Variants in IGSF21 observed in about 807,000 individuals in gnomAD.
IGSF21 encodes immunoglobin superfamily member 21.
Under a neutral mutation model 46.8 loss-of-function variants are expected in IGSF21, and 28 were observed. The ratio of observed to expected loss-of-function variants is 0.60; its 90% CI spans 0.44 to 0.82. The LOEUF is 0.82. Ranked by LOEUF, IGSF21 falls within the 40% of genes least tolerant of loss-of-function variation. The pLI is 0.00. For missense variants in IGSF21, 624 were observed against 665.5 expected (o/e 0.94, Z 0.69); for synonymous variants, 284 against 273.6 (o/e 1.04, Z -0.38).
rs115413268 is a variant in IGSF21, at chr1:18,283,190, G to A, written c.184-8676G>A. ...TCTGAGCTGCTGTCTGCCATCGCAC[G>A]GTAACCGGATGAGACAGGCAATTTA... is the stretch of plus-strand genomic sequence containing the variant. On this transcript the variant is annotated intron_variant, in intron 2 of 9. Transcript: ENST00000251296. Among the ~76,000 whole-genome samples the A allele has an allele frequency of 4.2e-3, 637 of 152,220 alleles. 8 individuals carry two copies. Among genetic ancestry groups the A allele is most frequent in the African/African-American group, 0.014 (577 of 41,510 alleles).
At chr1:18,246,561 G>T (rs2084786154) in intron 2 of IGSF21, among the ~76,000 whole-genome samples, 1 of 152,080 alleles carries the variant, frequency 6.6e-6, no homozygotes, top group African/African-American at 2.4e-5. Context: ...CTGGTGTCTT[G>T]CTGTGGAGTC....
intron 3 of IGSF21, among the ~76,000 whole-genome samples, chr1:18,297,039 G>A (rs149249810): frequency 6.6e-6 from 1 of 152,140 alleles, no homozygotes; most frequent in Non-Finnish European, 1.5e-5. Flanking sequence ...TCAGCTTAAA[G>A]GTTGCTTCCT....
At chr1:18,281,513 C>A (rs551896226) in intron 2 of IGSF21, among the ~76,000 whole-genome samples, 1 of 150,924 alleles carries the variant, frequency 6.6e-6, no homozygotes, top group South Asian at 2.1e-4. Flanking sequence ...TTGCAGTGAG[C>A]TGACATGGTG....
chr1:18,357,675 C>T (rs559298503), intron 4 of IGSF21, among the ~76,000 whole-genome samples: 68 of 152,160 alleles, frequency 4.5e-4, no homozygotes, highest in African/African-American at 1.3e-3. Flanking sequence ...AAGAAGAGGG[C>T]GATGCTAATA....
chr1:18,276,338 C>T (rs2085102662), intron 2 of IGSF21, among the ~76,000 whole-genome samples: 1 of 152,172 alleles, frequency 6.6e-6, no homozygotes, highest in African/African-American at 2.4e-5. Context: ...AGAAGGCTGG[C>T]TCAGCAAGGT....
At chr1:18,323,673 C>T (rs745529948) in intron 3 of IGSF21, among the ~76,000 whole-genome samples, 7 of 152,122 alleles carry the variant, frequency 4.6e-5, no homozygotes, top group South Asian at 2.1e-4. Context: ...GGGGGCAGGG[C>T]GGAGAGGGCA....
Position 18,220,098 on chromosome 1 carries a change from G to A in IGSF21, c.71-7800G>A, listed in dbSNP as rs114407221. Among the ~76,000 whole-genome samples, 383 of 152,270 alleles carry A rather than the reference G, an allele frequency of 2.5e-3. 1 individual carries two copies. Among genetic ancestry groups the A allele is most frequent in the African/African-American group, 9.1e-3 (378 of 41,548 alleles). On this transcript the variant is annotated intron_variant, in intron 1 of 9. Transcript: ENST00000251296. ...GAGGTGGGCACCAAGTTTCTTGCTC[G>A]AGGGCCTTGTTGTTATGGTGGTTCA...
intron 1 of IGSF21, among the ~76,000 whole-genome samples, chr1:18,123,364 C>A (rs1462360082): frequency 1.1e-4 from 16 of 152,216 alleles, no homozygotes; most frequent in Admixed American, 1.0e-3. Context: ...TAGGACAGAG[C>A]CTTATTCCAG....
At chr1:18,137,407 A>G (rs1320818201) in intron 1 of IGSF21, among the ~76,000 whole-genome samples, 2 of 152,144 alleles carry the variant, frequency 1.3e-5, no homozygotes, top group Non-Finnish European at 2.9e-5. Flanking sequence ...GATCCCCCTG[A>G]TCCCCCTATA....
intron 3 of IGSF21, among the ~76,000 whole-genome samples, chr1:18,300,917 T>G (rs1467757733): frequency 1.3e-5 from 2 of 152,190 alleles, no homozygotes; most frequent in Non-Finnish European, 2.9e-5. Context: ...CTCATCTCTC[T>G]GACTAGGACC....
At chr1:18,159,685 C>CTTTTT (rs11371899) in intron 1 of IGSF21, among the ~76,000 whole-genome samples, 17 of 138,762 alleles carry the variant, frequency 1.2e-4, no homozygotes, top group Admixed American at 2.2e-4. Flanking sequence ...TCGGGTATGT[C>CTTTTT]TTTTTTTTTT....
At chr1:18,248,035 G>A (rs1266966921) in intron 2 of IGSF21, among the ~76,000 whole-genome samples, 2 of 152,130 alleles carry the variant, frequency 1.3e-5, no homozygotes, top group Non-Finnish European at 2.9e-5. Flanking sequence ...AAAATTCCAG[G>A]GATTAAAGCA....
chr1:18,152,336 C>T (rs934462337), intron 1 of IGSF21, among the ~76,000 whole-genome samples: 3 of 152,316 alleles, frequency 2.0e-5, no homozygotes, highest in African/African-American at 4.8e-5. Context: ...ATGCAGTCAT[C>T]GTGCCCTGCC....
At chr1:18,243,549 A>G (rs1037060760) in intron 2 of IGSF21, among the ~76,000 whole-genome samples, 2 of 152,154 alleles carry the variant, frequency 1.3e-5, no homozygotes, top group Non-Finnish European at 2.9e-5. Flanking sequence ...CCCCAAATCC[A>G]GTATCCACCA....
At chr1:18,265,538 T>C (rs904668675) in intron 2 of IGSF21, among the ~76,000 whole-genome samples, 1 of 152,208 alleles carries the variant, frequency 6.6e-6, no homozygotes, top group African/African-American at 2.4e-5. Flanking sequence ...CCCACTTGGG[T>C]ACACCTGCAT....
intron 1 of IGSF21, chr1:18,115,406 G>A (rs1225598208): frequency 3.9e-5 from 6 of 152,218 alleles, no homozygotes; most frequent in African/African-American, 9.6e-5. Context: ...TATTGAGGGT[G>A]AGCATCTCTG....
chr1:18,340,981 T>TCTCCTCCTC lies in IGSF21; in HGVS notation c.424+5976_424+5977insCCTCCTCCT, dbSNP rs1443256681. On this transcript the variant is annotated intron_variant, in intron 4 of 9. Coordinates refer to ENST00000251296, the MANE Select transcript of IGSF21 (RefSeq NM_032880.5). ...TCCCCCTCCTTCTTCTCCTTCTTCTTCTCCTTCTTCTTCTCCTCCTCCTCC... is the reference window on the plus strand; with the variant it reads ...TCCCCCTCCTTCTTCTCCTTCTTCTTCTCCTCCTCCTCCTTCTTCTTCTCCTCCTCCTCC... Among the ~76,000 whole-genome samples, 105 of 137,066 alleles carry TCTCCTCCTC rather than the reference T, an allele frequency of 7.7e-4. 1 individual carries two copies. The highest frequency in any genetic ancestry group is 2.7e-3 in the African/African-American group (99 of 36,148). The allele number at this position is 137,066 out of a possible 152,430, so 89.9% of individuals were successfully genotyped here. A position where few individuals can be genotyped will look rare whatever the true frequency, so the allele number is the denominator to read the frequency against.
At chr1:18,330,114 G>T (rs149090343) in intron 3 of IGSF21, among the ~76,000 whole-genome samples, 26 of 152,330 alleles carry the variant, frequency 1.7e-4, no homozygotes, top group Admixed American at 4.6e-4. Context: ...CCTGCTATCT[G>T]TGGAAAGCCT....
At chr1:18,154,667 G>C (rs2086552315) in intron 1 of IGSF21, among the ~76,000 whole-genome samples, 1 of 151,672 alleles carries the variant, frequency 6.6e-6, no homozygotes, top group Non-Finnish European at 1.5e-5. Context: ...AAGGATGTGG[G>C]GAGGGGTGGG....
Sources: gnomAD v4.1 joint callset for allele counts (sites outside exome capture counted in the v4.1 genomes callset) on GRCh38, gnomAD v4.1.1 for gene constraint, MANE v1.5 for transcripts, NCBI Gene and HGNC (gene_info 2026-07-23, HGNC 2026-07-21) for gene names.